Variants in SMYD3 observed in about 807,000 individuals in gnomAD.
SMYD3 encodes histone-lysine N-methyltransferase SMYD3.
In SMYD3, 36 loss-of-function variants were observed where a neutral mutation model predicts 57.7. The ratio of observed to expected loss-of-function variants is 0.62; its 90% CI spans 0.48 to 0.82. The LOEUF (loss-of-function observed/expected upper bound fraction) is 0.82. SMYD3 is among the 40% of genes least tolerant of loss of function. The probability of loss-of-function intolerance (pLI) is 0.00; values close to 1 mark genes in which losing one functional copy is unlikely to be tolerated. For missense variants in SMYD3, 515 were observed against 538.8 expected, an observed-to-expected ratio of 0.96 and a Z score of 0.44; for synonymous variants, 211 against 195.0, an observed-to-expected ratio of 1.08 and a Z score of -0.68.
chr1:245,889,223 G>A (rs569294449), intron 8 of SMYD3, among the ~76,000 whole-genome samples: 1 of 152,268 alleles, frequency 6.6e-6, no homozygotes, highest in African/African-American at 2.4e-5. Flanking sequence ...TGTTGAGCCC[G>A]ATTAACAGAT....
At chr1:246,343,670 G>A (rs970906764) in intron 2 of SMYD3, among the ~76,000 whole-genome samples, 6 of 152,136 alleles carry the variant, frequency 3.9e-5, no homozygotes, top group African/African-American at 1.4e-4. Context: ...TCTACTTTTG[G>A]CTTGATTGAG....
intron 5 of SMYD3, among the ~76,000 whole-genome samples, chr1:246,274,667 T>C (rs1337389240): frequency 1.3e-5 from 2 of 152,184 alleles, no homozygotes; most frequent in Middle Eastern, 3.4e-3. Context: ...ACCTGAGAAA[T>C]AGAAATGCCT....
intron 10 of SMYD3, among the ~76,000 whole-genome samples, chr1:245,813,507 C>T (rs2048613955): frequency 6.6e-6 from 1 of 152,140 alleles, no homozygotes; most frequent in Admixed American, 6.5e-5. Flanking sequence ...GGAAGCTATT[C>T]TCTCACCTAA....
rs537367483 is a variant in SMYD3, at chr1:246,217,123, G to A, written c.531+110078C>T. ...CAGAAGTTGGCATCTAACCAAGCTTGTAGCCTAAATTTATATTATCTTTGT... is the reference window on the plus strand; with the variant it reads ...CAGAAGTTGGCATCTAACCAAGCTTATAGCCTAAATTTATATTATCTTTGT... On this transcript the variant is annotated intron_variant, in intron 5 of 11. Transcript: ENST00000490107. Among the ~76,000 whole-genome samples, 145 of 151,274 alleles carry A rather than the reference G, an allele frequency of 9.6e-4. 1 individual carries two copies. Among genetic ancestry groups the A allele is most frequent in the African/African-American group, 3.5e-3 (144 of 41,102 alleles).
intron 5 of SMYD3, among the ~76,000 whole-genome samples, chr1:245,939,087 G>T (rs1182647795): frequency 6.6e-6 from 1 of 151,478 alleles, no homozygotes; most frequent in Non-Finnish European, 1.5e-5. Flanking sequence ...AGGTTACAGT[G>T]AGCCAAGATC....
chr1:245,941,955 C>CCTTGCAAGAGCTCCTAAAGGAAGCA (rs2057260991), intron 5 of SMYD3, among the ~76,000 whole-genome samples: 1 of 152,154 alleles, frequency 6.6e-6, no homozygotes, highest in Non-Finnish European at 1.5e-5. Context: ...ACCAGGCCTA[C>CCTTGCAAGAGCTCCTAAAGGAAGCA]CTTGCAAGAG....
At chr1:246,067,171 T>C (rs1033525564) in intron 5 of SMYD3, among the ~76,000 whole-genome samples, 2 of 152,242 alleles carry the variant, frequency 1.3e-5, no homozygotes, top group Non-Finnish European at 2.9e-5. Context: ...CGTGATTCTC[T>C]TCAGTGATAA....
At chr1:246,502,787 G>C (rs754600285) in intron 1 of SMYD3, among the ~76,000 whole-genome samples, 1 of 152,134 alleles carries the variant, frequency 6.6e-6, no homozygotes, top group Non-Finnish European at 1.5e-5. Context: ...TCATCTTTTA[G>C]GATGTCATGC....
intron 5 of SMYD3, among the ~76,000 whole-genome samples, chr1:245,933,949 C>T (rs1210212303): frequency 1.3e-5 from 2 of 152,120 alleles, no homozygotes; most frequent in African/African-American, 4.8e-5. Context: ...TCCCAGCCCC[C>T]TCCCCCAATT....
intron 5 of SMYD3, among the ~76,000 whole-genome samples, chr1:246,104,663 G>A (rs1037418263): frequency 1.2e-4 from 19 of 152,104 alleles, no homozygotes; most frequent in African/African-American, 3.6e-4. Context: ...CAAGCCTTTC[G>A]CGAGACAGTT....
In SMYD3 at chr1:246,204,555, T is replaced by G. The variant is rs184152471; in HGVS notation, c.531+122646A>C. ...ATGATAAATCAAAGAATCTTACCTT[T>G]GTCAAAGCTCACCACTTAATTTACC... On this transcript the variant is annotated intron_variant, in intron 5 of 11. Transcript: ENST00000490107. Among the ~76,000 whole-genome samples, 296 of 136,718 alleles carry G rather than the reference T, an allele frequency of 2.2e-3. 2 individuals are homozygous for G. The highest frequency in any genetic ancestry group is 9.7e-3 in the African/African-American group (282 of 28,926). The allele number at this position is 136,718 out of a possible 152,430, so 89.7% of individuals were successfully genotyped here.
At chr1:246,099,292 C>G (rs2060969862) in intron 5 of SMYD3, among the ~76,000 whole-genome samples, 1 of 152,154 alleles carries the variant, frequency 6.6e-6, no homozygotes, top group African/African-American at 2.4e-5. Flanking sequence ...TTTGACCATT[C>G]TATCTACCCA....
Position 246,300,765 on chromosome 1 carries a change from A to G in SMYD3, c.531+26436T>C, listed in dbSNP as rs1572354094. Among the ~76,000 whole-genome samples the G allele has an allele frequency of 1.3e-5, 2 of 152,254 alleles. 1 individual carries two copies. Among genetic ancestry groups the G allele is most frequent in the East Asian group, 3.9e-4 (2 of 5,182 alleles). On this transcript the variant is annotated intron_variant, in intron 5 of 11. Transcript: ENST00000490107. The stretch of plus-strand genomic sequence containing the variant: ...TAGAACTGTTGTGAAGATTTAAAAT[A>G]TAATATATGCAAGCCACAGTGCCTG...
chr1:245,908,537 C>T lies in SMYD3; in HGVS notation c.813+6993G>A, dbSNP rs528951814. On this transcript the variant is annotated intron_variant, in intron 8 of 11. Transcript: ENST00000490107. ...CAACACCTGTAGAATATACTTTCATCTCATCAGTAAATGGAACATTCTCCA... is the reference window on the plus strand; with the variant it reads ...CAACACCTGTAGAATATACTTTCATTTCATCAGTAAATGGAACATTCTCCA... 2.6e-5 allele frequency among the ~76,000 whole-genome samples: 4 copies of T among 152,322 alleles called. No individual in the cohort carries two copies. In the East Asian group the frequency reaches 5.8e-4, roughly 22 times the overall value.
In SMYD3 at chr1:246,210,697, C is replaced by T. The variant is rs570705195; in HGVS notation, c.531+116504G>A. ...TGCACTCCAGCCTGGGCAACAAGGG[C>T]GAAACTAAAAAAAAAAAAACAAAAA... On this transcript the variant is annotated intron_variant, in intron 5 of 11. Coordinates refer to ENST00000490107, the MANE Select transcript of SMYD3 (RefSeq NM_001167740.2). Among the ~76,000 whole-genome samples, 13 of 149,560 alleles carry T rather than the reference C, an allele frequency of 8.7e-5. No homozygotes were observed. The South Asian group carries it at 2.5e-3, about 29-fold the overall frequency.
chr1:245,890,412 C>G (rs926060122), intron 8 of SMYD3, among the ~76,000 whole-genome samples: 1 of 152,112 alleles, frequency 6.6e-6, no homozygotes, highest in African/African-American at 2.4e-5. Context: ...ATCTAACAAT[C>G]TGGGCAAAAG....
At chr1:246,179,262 C>T (rs1043504708) in intron 5 of SMYD3, 10 of 152,874 alleles carry the variant, frequency 6.5e-5, no homozygotes, top group African/African-American at 2.2e-4. Context: ...TATGGACCTT[C>T]GCAAAAGGCC....
At chr1:246,182,731 G>A (rs957153931) in intron 5 of SMYD3, among the ~76,000 whole-genome samples, 1 of 152,162 alleles carries the variant, frequency 6.6e-6, no homozygotes, top group Non-Finnish European at 1.5e-5. Context: ...GTATCTGGAA[G>A]ACACCTTTAC....
chr1:246,408,072 TA>T (rs1360043378), intron 1 of SMYD3, among the ~76,000 whole-genome samples: 1 of 151,826 alleles, frequency 6.6e-6, no homozygotes, highest in Non-Finnish European at 1.5e-5. Flanking sequence ...ATGAGGGCGC[TA>T]ATCCCATTCA....
Sources: gnomAD v4.1 joint callset for allele counts (sites outside exome capture counted in the v4.1 genomes callset) on GRCh38, gnomAD v4.1.1 for gene constraint, MANE v1.5 for transcripts, NCBI Gene and HGNC (gene_info 2026-07-23, HGNC 2026-07-21) for gene names.